Variants in PRKG1 observed in about 807,000 individuals in gnomAD.
The protein encoded by PRKG1 is cGMP-dependent protein kinase 1.
Under a neutral mutation model 88.1 loss-of-function variants are expected in PRKG1, and 35 were observed. The observed-to-expected ratio is 0.40, with a 90% confidence interval of 0.30 to 0.53. The LOEUF is 0.53. Among genes scored for constraint, PRKG1 ranks in the 20% least tolerant of loss-of-function variants. The pLI is 0.59. For missense variants in PRKG1, 540 were observed against 839.8 expected (o/e 0.64, Z 4.41); for synonymous variants, 303 against 292.5 (o/e 1.04, Z -0.37).
intron 17 of PRKG1, among the ~76,000 whole-genome samples, chr10:52,291,518 T>A (rs1842245432): frequency 6.6e-6 from 1 of 151,310 alleles, no homozygotes; most frequent in African/African-American, 2.4e-5. Context: ...TGGTTTTTTG[T>A]TCTTGCGATA....
chr10:51,816,288 G>A (rs1365311431), intron 4 of PRKG1, among the ~76,000 whole-genome samples: 1 of 151,960 alleles, frequency 6.6e-6, no homozygotes, highest in Non-Finnish European at 1.5e-5. Flanking sequence ...GCCTGGGTTT[G>A]GATTTAAAAC....
At chr10:51,142,154 TAAGAG>T (rs1845835641) in intron 1 of PRKG1, among the ~76,000 whole-genome samples, 2 of 152,108 alleles carry the variant, frequency 1.3e-5, no homozygotes, top group African/African-American at 4.8e-5. Context: ...TCAAGTCAGA[TAAGAG>T]AAAACAAATG....
At chr10:51,375,425 G>GT (rs35026545) in intron 2 of PRKG1, among the ~76,000 whole-genome samples, 6,088 of 146,146 alleles carry the variant, frequency 0.042, 173 homozygotes, top group South Asian at 0.084. Context: ...TGGATTTGGG[G>GT]TTTTTTTTTT....
At chr10:51,082,761 C>T (rs1315085201) in intron 1 of PRKG1, among the ~76,000 whole-genome samples, 4 of 151,656 alleles carry the variant, frequency 2.6e-5, no homozygotes, top group Non-Finnish European at 5.9e-5. Flanking sequence ...ACAAATTGTA[C>T]GTGTAGTTTA....
intron 3 of PRKG1, chr10:51,699,587 G>A (rs1194268948): frequency 6.3e-7 from 1 of 1,576,638 alleles, no homozygotes; most frequent in Admixed American, 1.8e-5. Flanking sequence ...CGGATTCTTC[G>A]AGGCGTCTGT....
At chr10:51,899,012 A>C (rs1204142389) in intron 4 of PRKG1, among the ~76,000 whole-genome samples, 1 of 152,124 alleles carries the variant, frequency 6.6e-6, no homozygotes, top group Non-Finnish European at 1.5e-5. Flanking sequence ...ACCTAACACA[A>C]TATCTGTTAA....
chr10:51,001,093 A>G (rs1022302198), intron 1 of PRKG1, among the ~76,000 whole-genome samples: 4 of 152,212 alleles, frequency 2.6e-5, no homozygotes, highest in African/African-American at 9.7e-5. Flanking sequence ...CATCATCAGA[A>G]AAACATTTGA....
intron 1 of PRKG1, among the ~76,000 whole-genome samples, chr10:51,024,897 T>C (rs1032362663): frequency 1.3e-5 from 2 of 152,050 alleles, no homozygotes; most frequent in East Asian, 1.9e-4. Context: ...ACCTCCAACA[T>C]TGGAGGTTAC....
chr10:52,295,796 A>G lies in PRKG1; in HGVS notation c.*1896A>G, dbSNP rs777126298. On this transcript the variant is annotated 3_prime_UTR_variant, in exon 18 of 18. Coordinates refer to ENST00000373980, the MANE Select transcript of PRKG1 (RefSeq NM_006258.4). ...AAACTACCTTAGAATATGGTATCTT[A>G]TGAAAATATAATATTCTTAAAATTT... is the stretch of plus-strand genomic sequence containing the variant. The G allele has an allele frequency of 5.9e-5, 9 of 152,008 alleles. No homozygotes were observed. The highest frequency in any genetic ancestry group is 1.2e-4 in the Non-Finnish European group (8 of 67,916). 9.4% of individuals were successfully genotyped at this position (152,008 alleles called of 1,614,324 possible).
At chr10:51,572,247 G>A (rs1205784462) in intron 3 of PRKG1, among the ~76,000 whole-genome samples, 1 of 151,740 alleles carries the variant, frequency 6.6e-6, no homozygotes, top group Non-Finnish European at 1.5e-5. Context: ...GCCATACACT[G>A]TGCCATGTGA....
chr10:51,884,295 A>G (rs1481610661), intron 4 of PRKG1, among the ~76,000 whole-genome samples: 1 of 149,244 alleles, frequency 6.7e-6, no homozygotes, highest in East Asian at 2.0e-4. Flanking sequence ...AAATACAAAA[A>G]TTAGCCAGGC....
intron 5 of PRKG1, among the ~76,000 whole-genome samples, chr10:51,955,576 A>C (rs1843284021): frequency 6.6e-6 from 1 of 152,176 alleles, no homozygotes; most frequent in Non-Finnish European, 1.5e-5. Context: ...GCAAAATGTC[A>C]TTCGATTTCA....
At chr10:51,748,131 C>T (rs1446014448) in intron 3 of PRKG1, among the ~76,000 whole-genome samples, 2 of 152,196 alleles carry the variant, frequency 1.3e-5, no homozygotes, top group Admixed American at 6.5e-5. Context: ...AATCTACAAG[C>T]TTCCAAATAT....
At position 52,181,790 on chromosome 10, in the gene PRKG1, T is replaced by G. The variant is rs1589680068; in HGVS notation, c.1076+19827T>G. Among the ~76,000 whole-genome samples the G allele has an allele frequency of 7.7e-5, 5 of 64,612 alleles. No homozygotes were observed. In the South Asian group the frequency reaches 4.3e-3, roughly 55 times the overall value. 42.4% of individuals were successfully genotyped at this position (64,612 alleles called of 152,430 possible). ...ATCATCTTTTATGGCTGCATAGTAT[T>G]CCATGGTGTATATGTGCCACATTTT... On this transcript the variant is annotated intron_variant, in intron 9 of 17. Coordinates refer to ENST00000373980, the MANE Select transcript of PRKG1 (RefSeq NM_006258.4).
At chr10:51,047,100 A>T (rs1245318157) in intron 1 of PRKG1, among the ~76,000 whole-genome samples, 6 of 152,180 alleles carry the variant, frequency 3.9e-5, no homozygotes. Flanking sequence ...TCTCACGTGC[A>T]TTGTAGAGTG....
At chr10:51,579,463 C>T (rs1201568420) in intron 3 of PRKG1, among the ~76,000 whole-genome samples, 1 of 152,024 alleles carries the variant, frequency 6.6e-6, no homozygotes, top group Non-Finnish European at 1.5e-5. Flanking sequence ...TTTTGTGATA[C>T]TGTTAGATTA....
chr10:51,368,831 G>A lies in PRKG1; in HGVS notation c.479-98892G>A, dbSNP rs537530441. Among the ~76,000 whole-genome samples the A allele has an allele frequency of 2.9e-4, 44 of 152,176 alleles. 2 individuals are homozygous for A. In the East Asian group the frequency reaches 8.3e-3, roughly 29 times the overall value. On this transcript the variant is annotated intron_variant, in intron 2 of 17. Transcript: ENST00000373980. ...TTAACCAAATTTTCTTCATGGGAGC[G>A]TAGTGTCCTCAGTGATTTATTCAAA...
chr10:51,508,626 A>G (rs946585307), intron 3 of PRKG1, among the ~76,000 whole-genome samples: 1 of 152,190 alleles, frequency 6.6e-6, no homozygotes, highest in African/African-American at 2.4e-5. Context: ...GCCAACAGAC[A>G]TAAATTTTTC....
chr10:51,684,695 G>C (rs1840940982), intron 3 of PRKG1, among the ~76,000 whole-genome samples: 1 of 151,904 alleles, frequency 6.6e-6, no homozygotes, highest in Non-Finnish European at 1.5e-5. Flanking sequence ...GCAAAACCCT[G>C]TCTCCACCAA....
Sources: allele counts gnomAD v4.1 joint callset (sites outside exome capture counted in the v4.1 genomes callset), GRCh38; gene constraint gnomAD v4.1.1; transcripts MANE v1.5; gene names NCBI Gene and HGNC (gene_info 2026-07-23, HGNC 2026-07-21).